The following ZBTB20 variants were observed in gnomAD, a reference collection of about 807,000 sequenced individuals.
ZBTB20 encodes the protein zinc finger and BTB domain-containing protein 20.
ZBTB20 carries 9 observed loss-of-function variants against 56.9 expected under a neutral mutation model. The observed-to-expected ratio is 0.16, with a 90% CI of 0.10 to 0.28. The LOEUF (loss-of-function observed/expected upper bound fraction) is 0.28. Among genes scored for constraint, ZBTB20 ranks in the 10% least tolerant of loss-of-function variants. ZBTB20 has a pLI of 1.00. For synonymous variants in ZBTB20, 417 were observed against 420.7 expected (o/e 0.99, Z 0.11); for missense variants, 655 against 1,003.0 (o/e 0.65, Z 4.69).
At chr3:114,738,686 A>G (rs2066362774) in intron 5 of ZBTB20, among the ~76,000 whole-genome samples, 1 of 152,212 alleles carries the variant, frequency 6.6e-6, no homozygotes, top group African/African-American at 2.4e-5. Flanking sequence ...AACAATATCA[A>G]AATTTGTAAA....
chr3:114,607,389 G>A (rs1471037206), intron 6 of ZBTB20, among the ~76,000 whole-genome samples: 1 of 148,688 alleles, frequency 6.7e-6, no homozygotes, highest in Non-Finnish European at 1.5e-5. Flanking sequence ...TGCAACCTCC[G>A]CCTCCTGGGT....
At chr3:114,514,886 G>T (rs994447556) in intron 6 of ZBTB20, among the ~76,000 whole-genome samples, 1 of 152,180 alleles carries the variant, frequency 6.6e-6, no homozygotes, top group South Asian at 2.1e-4. Context: ...TTTGCTTCTT[G>T]TCAAGTTTAT....
At chr3:115,040,637 T>C (rs763699363) in intron 2 of ZBTB20, among the ~76,000 whole-genome samples, 21 of 152,142 alleles carry the variant, frequency 1.4e-4, no homozygotes, top group Non-Finnish European at 2.4e-4. Context: ...ACAAAGTAGA[T>C]CATGACTAAA....
At chr3:115,054,510 T>C (rs2081680236) in intron 2 of ZBTB20, among the ~76,000 whole-genome samples, 1 of 152,118 alleles carries the variant, frequency 6.6e-6, no homozygotes, top group African/African-American at 2.4e-5. Flanking sequence ...CTCAAATCTT[T>C]TCCCCGTCAA....
intron 6 of ZBTB20, among the ~76,000 whole-genome samples, chr3:114,660,888 G>C (rs1341331363): frequency 6.6e-6 from 1 of 152,044 alleles, no homozygotes; most frequent in Admixed American, 6.6e-5. Context: ...GGGTGGATGG[G>C]GGGTGGAGAG....
intron 2 of ZBTB20, among the ~76,000 whole-genome samples, chr3:115,064,848 A>G (rs1282280442): frequency 1.3e-5 from 2 of 152,108 alleles, no homozygotes; most frequent in African/African-American, 4.8e-5. Flanking sequence ...TATGAGGCCT[A>G]TATTTCTCTC....
chr3:114,387,684 T>C (rs4682538), intron 8 of ZBTB20: 86,575 of 152,106 alleles, frequency 0.57, 24,909 homozygotes, highest in East Asian at 0.86. Flanking sequence ...AGTTACTCTG[T>C]GATGAAGAAA....
rs141525876 is a variant in ZBTB20, at chr3:114,924,020, A to G, written c.-455-23678T>C. On this transcript the variant is annotated intron_variant, in intron 3 of 11. Transcript: ENST00000675478. Reference sequence around the variant, plus strand: ...AAATGCACATCAAAACTACAGTGAGATATCACCTCATGCCTGTCAGAAGGG... The same window carrying G: ...AAATGCACATCAAAACTACAGTGAGGTATCACCTCATGCCTGTCAGAAGGG... Among the ~76,000 whole-genome samples, 520 of 152,334 alleles carry G rather than the reference A, an allele frequency of 3.4e-3. 2 individuals are homozygous for G. Among genetic ancestry groups the G allele is most frequent in the African/African-American group, 0.012 (486 of 41,576 alleles).
chr3:115,125,747 C>T (rs1238389478), intron 1 of ZBTB20, among the ~76,000 whole-genome samples: 1 of 152,088 alleles, frequency 6.6e-6, no homozygotes, highest in East Asian at 1.9e-4. Flanking sequence ...AAGGTAATTG[C>T]ATGTTAATAA....
intron 6 of ZBTB20, among the ~76,000 whole-genome samples, chr3:114,675,085 A>G (rs959342857): frequency 2.0e-5 from 3 of 148,256 alleles, no homozygotes; most frequent in African/African-American, 7.3e-5. Context: ...TATATATTAT[A>G]TATATACACA....
rs1207257613 is a variant in ZBTB20 at position 114,408,843 on chromosome 3, C to T, written c.-254-19738G>A. Among the ~76,000 whole-genome samples, 13 of 152,064 alleles carry T rather than the reference C, an allele frequency of 8.5e-5. No homozygotes were observed. In the East Asian group the frequency reaches 1.2e-3, roughly 14 times the overall value. ...ACAAAGCCTCAGAGTTAAAAATCCCCGGGAGAAGGAGCTCCTCTCTAGCTG... is the reference window on the plus strand; with the variant it reads ...ACAAAGCCTCAGAGTTAAAAATCCCTGGGAGAAGGAGCTCCTCTCTAGCTG... On this transcript the variant is annotated intron_variant, in intron 7 of 11. Coordinates refer to ENST00000675478, the MANE Select transcript of ZBTB20 (RefSeq NM_001348800.3).
Position 114,326,651 on chromosome 3 carries a change from C to T in ZBTB20, c.*12354G>A, listed in dbSNP as rs2079075448. On this transcript the variant is annotated 3_prime_UTR_variant, in exon 12 of 12. Coordinates refer to ENST00000675478, the MANE Select transcript of ZBTB20 (RefSeq NM_001348800.3). Reference sequence around the variant, plus strand: ...GGAAACAAATAAATCAACAAAAAAACCTTACTAAAATACACATTCCTCCAG... The same window carrying T: ...GGAAACAAATAAATCAACAAAAAAATCTTACTAAAATACACATTCCTCCAG... The T allele has an allele frequency of 6.6e-6, 1 of 152,016 alleles. No individual in the cohort carries two copies. Among genetic ancestry groups the T allele is most frequent in the Non-Finnish European group, 1.5e-5 (1 of 67,962 alleles). The allele number at this position is 152,016 out of a possible 1,614,324, so 9.4% of individuals were successfully genotyped here. A position where few individuals can be genotyped will look rare whatever the true frequency, so the allele number is the denominator to read the frequency against.
intron 6 of ZBTB20, chr3:114,687,891 T>A (rs1021336193): frequency 6.6e-6 from 1 of 152,156 alleles, no homozygotes; most frequent in African/African-American, 2.4e-5. Context: ...CTGTTTCTCC[T>A]TTGGCTCCAG....
At chr3:114,706,037 C>A (rs757125636) in intron 5 of ZBTB20, among the ~76,000 whole-genome samples, 1 of 152,040 alleles carries the variant, frequency 6.6e-6, no homozygotes, top group Admixed American at 6.6e-5. Flanking sequence ...ATGGGAGCTA[C>A]CATACTCCCA....
At chr3:114,898,867 G>A (rs1047126770) in intron 4 of ZBTB20, among the ~76,000 whole-genome samples, 5 of 152,072 alleles carry the variant, frequency 3.3e-5, no homozygotes, top group Non-Finnish European at 5.9e-5. Flanking sequence ...GGAGAGTAAT[G>A]CAAGTCATTT....
At chr3:115,125,021 T>TA (rs2084285929) in intron 1 of ZBTB20, among the ~76,000 whole-genome samples, 1 of 151,616 alleles carries the variant, frequency 6.6e-6, no homozygotes, top group Non-Finnish European at 1.5e-5. Flanking sequence ...CCCCTGAACT[T>TA]AAAGTTTTTT....
At chr3:114,688,260 A>C (rs2062470980) in intron 6 of ZBTB20, 2 of 151,952 alleles carry the variant, frequency 1.3e-5, no homozygotes, top group African/African-American at 4.8e-5. Flanking sequence ...ACAACAAAAA[A>C]CCAAACTAAC....
chr3:114,727,351 G>C (rs1399960604), intron 5 of ZBTB20, among the ~76,000 whole-genome samples: 1 of 152,166 alleles, frequency 6.6e-6, no homozygotes, highest in East Asian at 1.9e-4. Flanking sequence ...TTGTACTTGG[G>C]CTGCACTTAA....
At chr3:114,908,265 T>C (rs2075393503) in intron 3 of ZBTB20, among the ~76,000 whole-genome samples, 1 of 152,016 alleles carries the variant, frequency 6.6e-6, no homozygotes, top group South Asian at 2.1e-4. Context: ...GAAACATTTC[T>C]GTACGAATAT....
Sources: allele counts gnomAD v4.1 joint callset (sites outside exome capture counted in the v4.1 genomes callset), GRCh38; gene constraint gnomAD v4.1.1; transcripts MANE v1.5; gene names NCBI Gene and HGNC (gene_info 2026-07-23, HGNC 2026-07-21).